Variants in CFAP61 observed in about 807,000 individuals in gnomAD.
CFAP61 encodes cilia and flagella associated protein 61, also known as cilia- and flagella-associated protein 61.
Under a neutral mutation model 135.6 loss-of-function variants are expected in CFAP61, and 107 were observed. That is an observed-to-expected ratio of 0.79 (90% CI 0.67 to 0.93). The LOEUF (loss-of-function observed/expected upper bound fraction) is 0.93, where lower values mean the gene tolerates loss of function less well. CFAP61 is among the 40% of genes least tolerant of loss of function. The pLI, the probability that CFAP61 is intolerant of heterozygous loss-of-function variation, is 0.00. For missense variants in CFAP61, 1,507 were observed against 1,556.2 expected (o/e 0.97, Z 0.53); for synonymous variants, 575 against 578.5 (o/e 0.99, Z 0.09).
chr20:20,073,144 C>G (rs963992535), intron 3 of CFAP61, among the ~76,000 whole-genome samples: 3 of 152,152 alleles, frequency 2.0e-5, no homozygotes, highest in Non-Finnish European at 4.4e-5. Context: ...ACAAATCAAG[C>G]AAGTAATAAG....
rs1282469174 is a variant in CFAP61 at position 20,196,788 on chromosome 20, G to A, written c.1797+12G>A. 1.9e-6 allele frequency: 3 copies of A among 1,609,582 alleles called. No homozygotes were observed. The highest frequency in any genetic ancestry group is 2.2e-5 in the South Asian group (2 of 90,994). On this transcript the variant is annotated intron_variant, in intron 16 of 26. Transcript: ENST00000245957. ...CCAGAGAAGGCAAGGTAAGAGAATG[G>A]TGCAATTCACTTTCCCAGCAGGTCA...
At chr20:20,115,249 A>G (rs1046117876) in intron 8 of CFAP61, among the ~76,000 whole-genome samples, 2 of 151,518 alleles carry the variant, frequency 1.3e-5, no homozygotes, top group Non-Finnish European at 2.9e-5. Flanking sequence ...GTTGAAGAGT[A>G]TTCTCTCTTC....
chr20:20,143,894 AAAG>A (rs1311314541), intron 9 of CFAP61, among the ~76,000 whole-genome samples: 4 of 152,334 alleles, frequency 2.6e-5, no homozygotes, highest in African/African-American at 9.6e-5. Flanking sequence ...CAGGCTGAGA[AAAG>A]AACCTCTGAA....
intron 25 of CFAP61, among the ~76,000 whole-genome samples, chr20:20,310,525 C>G (rs2056758099): frequency 6.6e-6 from 1 of 152,218 alleles, no homozygotes. Context: ...CCACTGCAGA[C>G]AGCAGAATCC....
chr20:20,329,402 C>A (rs2057895329), intron 25 of CFAP61, among the ~76,000 whole-genome samples: 4 of 152,158 alleles, frequency 2.6e-5, no homozygotes, highest in Non-Finnish European at 5.9e-5. Context: ...CACCTCTGAG[C>A]CAGGGCCTGG....
chr20:20,277,043 C>T, intron 21 of CFAP61, 123 bp from the exon 22 acceptor site: 1 of 719,910 alleles, frequency 1.4e-6, no homozygotes, highest in Non-Finnish European at 2.2e-6. Context: ...CTAGGTAACA[C>T]CGCTGGCTTC....
At chr20:20,244,123 G>C (rs965691064) in intron 18 of CFAP61, among the ~76,000 whole-genome samples, 26 of 152,290 alleles carry the variant, frequency 1.7e-4, no homozygotes, top group African/African-American at 6.3e-4. Context: ...TCATGGGCTG[G>C]CATTGAGTGA....
chr20:20,252,589 T>G (rs972935689), intron 20 of CFAP61, among the ~76,000 whole-genome samples: 1 of 152,092 alleles, frequency 6.6e-6, no homozygotes, highest in African/African-American at 2.4e-5. Flanking sequence ...CTATCTTTAG[T>G]GTTTGTATAT....
intron 22 of CFAP61, among the ~76,000 whole-genome samples, chr20:20,281,020 T>C (rs763696388): frequency 5.9e-5 from 9 of 152,242 alleles, no homozygotes; most frequent in Non-Finnish European, 1.3e-4. Context: ...CTCCTTTTTG[T>C]GAAATGTTCA....
chr20:20,308,228 T>A (rs753737067), intron 25 of CFAP61, among the ~76,000 whole-genome samples: 1 of 152,194 alleles, frequency 6.6e-6, no homozygotes, highest in African/African-American at 2.4e-5. Context: ...GCGTGTTGGA[T>A]GTAGCATCTA....
chr20:20,167,293 T>C (rs1326168428), intron 12 of CFAP61, among the ~76,000 whole-genome samples: 1 of 152,210 alleles, frequency 6.6e-6, no homozygotes, highest in Non-Finnish European at 1.5e-5. Context: ...TGAAGCTTTA[T>C]AATAAGGCAA....
intron 13 of CFAP61, among the ~76,000 whole-genome samples, chr20:20,182,857 G>C (rs2055206445): frequency 6.6e-6 from 1 of 152,310 alleles, no homozygotes; most frequent in Non-Finnish European, 1.5e-5. Flanking sequence ...GCTTTAAAAT[G>C]CAACAGGAGG....
chr20:20,280,927 C>T (rs2054154021), intron 22 of CFAP61, among the ~76,000 whole-genome samples: 1 of 151,838 alleles, frequency 6.6e-6, no homozygotes. Flanking sequence ...CATGGTGTGT[C>T]ATTGTGTTTT....
chr20:20,199,974 C>A, intron 17 of CFAP61, 72 bp downstream of exon 17: 1 of 1,538,212 alleles, frequency 6.5e-7, no homozygotes, highest in Non-Finnish European at 8.9e-7. Context: ...GGTGGCAGTG[C>A]TGTCTTCACA....
intron 25 of CFAP61, among the ~76,000 whole-genome samples, chr20:20,313,695 CTT>C (rs1476593308): frequency 6.6e-6 from 1 of 152,192 alleles, no homozygotes; most frequent in Non-Finnish European, 1.5e-5. Flanking sequence ...TCGTGGGTGT[CTT>C]AGTCTGTTTT....
At chr20:20,269,146 T>TATATATACACACAC (rs1419572825) in intron 21 of CFAP61, among the ~76,000 whole-genome samples, 15 of 85,612 alleles carry the variant, frequency 1.8e-4, no homozygotes, top group African/African-American at 4.7e-4. Context: ...TATATATATA[T>TATATATACACACAC]ACACACACAC....
At chr20:20,162,288 G>A (rs1407534821) in intron 10 of CFAP61, among the ~76,000 whole-genome samples, 1 of 152,098 alleles carries the variant, frequency 6.6e-6, no homozygotes, top group African/African-American at 2.4e-5. Flanking sequence ...TGACATCTGC[G>A]AAATCCCTGT....
intron 6 of CFAP61, among the ~76,000 whole-genome samples, chr20:20,087,623 T>A (rs1215391074): frequency 6.6e-6 from 1 of 150,922 alleles, no homozygotes; most frequent in East Asian, 1.9e-4. Context: ...AGTAAGAAAC[T>A]CTCTTATTCC....
Position 20,263,135 on chromosome 20 carries a change from G to A in CFAP61, c.2503+5G>A, listed in dbSNP as rs370028816. On this transcript the variant is annotated splice_donor_5th_base_variant and intron_variant, in intron 21 of 26. Coordinates refer to ENST00000245957, the MANE Select transcript of CFAP61 (RefSeq NM_015585.4). Reference sequence around the variant, plus strand: ...ATAACTCCATCACCACAGAAGGTAAGGATGTCGGTAACTGTGCATCTCTTC... The same window carrying A: ...ATAACTCCATCACCACAGAAGGTAAAGATGTCGGTAACTGTGCATCTCTTC... The A allele has an allele frequency of 1.1e-5, 18 of 1,607,176 alleles. No individual in the cohort carries two copies. The highest frequency in any genetic ancestry group is 1.7e-4 in the Middle Eastern group (1 of 6,058).
Sources: allele counts gnomAD v4.1 joint callset (sites outside exome capture counted in the v4.1 genomes callset), GRCh38; gene constraint gnomAD v4.1.1; transcripts MANE v1.5; gene names NCBI Gene and HGNC (gene_info 2026-07-23, HGNC 2026-07-21).